EXTL3: variants seen among roughly 807,000 people sequenced by gnomAD.
The protein encoded by EXTL3 is exostosin like glycosyltransferase 3.
A neutral mutation model predicts 69.3 loss-of-function variants in EXTL3; 27 were observed. The ratio of observed to expected loss-of-function variants is 0.39; its 90% CI spans 0.29 to 0.54. EXTL3 has a LOEUF of 0.54. Among genes scored for constraint, EXTL3 ranks in the 20% least tolerant of loss-of-function variants. EXTL3 has a pLI of 0.69. For missense variants in EXTL3, 1,003 were observed against 1,231.8 expected (o/e 0.81, Z 2.78); for synonymous variants, 511 against 499.4 (o/e 1.02, Z -0.31).
At chr8:28,705,355 G>A (rs973920225) in intron 1 of EXTL3, among the ~76,000 whole-genome samples, 2 of 152,170 alleles carry the variant, frequency 1.3e-5, no homozygotes, top group African/African-American at 4.8e-5. Context: ...ATATGGTAAT[G>A]ATGATGGGAT....
chr8:28,716,664 A>C lies in EXTL3; in HGVS notation c.605A>C (p.Asp202Ala). 1 of 1,614,160 alleles carries C rather than the reference A, an allele frequency of 6.2e-7. No homozygotes were observed. Among genetic ancestry groups the C allele is most frequent in the Non-Finnish European group, 8.5e-7 (1 of 1,180,032 alleles). Residue 202 changes from aspartate to alanine, a missense_variant, in exon 3 of 7, where the codon GAC becomes GCC. Asp to Ala is a moderately radical substitution (Grantham distance 126). Coordinates refer to ENST00000220562, the MANE Select transcript of EXTL3 (RefSeq NM_001440.4). The surrounding 1 kb of genome is among the most constrained non-coding windows in gnomAD (Gnocchi z 7.1). ...TTCCCGGTCTACGTCTATGACAGTG[A>C]CCAGTTTGTCTTTGGCAGCTACCTG... Reference protein sequence around the residue: ...SGFPVYVYDSDQFVFGSYLDP... With the variant: ...SGFPVYVYDSAQFVFGSYLDP...
chr8:28,746,545 A>G (rs1032960011), intron 6 of EXTL3, among the ~76,000 whole-genome samples: 7 of 152,242 alleles, frequency 4.6e-5, no homozygotes, highest in African/African-American at 1.4e-4. Context: ...GATCCACGAT[A>G]TTGGTTAAAT....
At chr8:28,731,628 G>A (rs1048551628) in intron 4 of EXTL3, among the ~76,000 whole-genome samples, 1 of 152,136 alleles carries the variant, frequency 6.6e-6, no homozygotes, top group Admixed American at 6.5e-5. Flanking sequence ...GCCTGTTCCT[G>A]GTGCTGCAGG....
At chr8:28,624,395 G>T (rs778671484) in intron 1 of EXTL3, among the ~76,000 whole-genome samples, 10 of 151,924 alleles carry the variant, frequency 6.6e-5, no homozygotes, top group Non-Finnish European at 1.2e-4. Flanking sequence ...GAAACCTCAT[G>T]TCTACAAAAA....
chr8:28,689,648 T>G (rs1180174170), intron 1 of EXTL3, among the ~76,000 whole-genome samples: 3 of 152,244 alleles, frequency 2.0e-5, no homozygotes, highest in Non-Finnish European at 4.4e-5. Flanking sequence ...AGTTCATATC[T>G]GTTGTCTTCT....
intron 2 of EXTL3, among the ~76,000 whole-genome samples, chr8:28,610,479 G>T (rs549243981): frequency 1.3e-5 from 2 of 152,130 alleles, no homozygotes; most frequent in East Asian, 3.9e-4. Flanking sequence ...TTGTCATTTG[G>T]ACCAGAGGAA....
chr8:28,610,215 A>ATGTGTGTGTGTGTGTGTGTGTGTGTG (rs367793242), intron 2 of EXTL3, among the ~76,000 whole-genome samples: 6 of 149,330 alleles, frequency 4.0e-5, no homozygotes, highest in East Asian at 2.0e-4. Context: ...AAATATGTAT[A>ATGTGTGTGTGTGTGTGTGTGTGTGTG]TGTGTGTGTG....
intron 1 of EXTL3, among the ~76,000 whole-genome samples, chr8:28,636,528 G>A (rs1806658572): frequency 6.6e-6 from 1 of 152,020 alleles, no homozygotes; most frequent in Admixed American, 6.6e-5. Context: ...GAGAATTGTT[G>A]TCTGTAACTT....
At chr8:28,607,989 AGT>A (rs1806220550) in intron 2 of EXTL3, among the ~76,000 whole-genome samples, 2 of 151,894 alleles carry the variant, frequency 1.3e-5, no homozygotes, top group Non-Finnish European at 2.9e-5. Context: ...GGGCGCCTGT[AGT>A]CCCAGCTACT....
chr8:28,744,455 C>T (rs143754466), intron 6 of EXTL3, among the ~76,000 whole-genome samples: 5,237 of 151,780 alleles, frequency 0.035, 287 homozygotes, highest in African/African-American at 0.12. Flanking sequence ...GTCAGGAGTT[C>T]GTGAGCAGCC....
At chr8:28,639,656 C>G (rs1205399068) in intron 1 of EXTL3, among the ~76,000 whole-genome samples, 1 of 152,222 alleles carries the variant, frequency 6.6e-6, no homozygotes, top group African/African-American at 2.4e-5. Flanking sequence ...GACGGTTCCT[C>G]TCCTGAGTCC....
At chr8:28,735,008 A>G (rs982188986) in intron 4 of EXTL3, among the ~76,000 whole-genome samples, 2 of 152,044 alleles carry the variant, frequency 1.3e-5, no homozygotes, top group African/African-American at 4.8e-5. Flanking sequence ...AGCCTCTCAC[A>G]TTTCCTTTGA....
intron 1 of EXTL3, among the ~76,000 whole-genome samples, chr8:28,642,078 G>A (rs10103066): frequency 0.032 from 4,803 of 151,122 alleles, 196 homozygotes; most frequent in African/African-American, 0.098. Context: ...CTCGTGATCC[G>A]CCCGCCTCAG....
chr8:28,742,666 G>A (rs1801804685), intron 5 of EXTL3: 2 of 311,556 alleles, frequency 6.4e-6, no homozygotes, highest in Middle Eastern at 1.1e-3. Context: ...GAGGGATCGT[G>A]TGTTTCATGG....
chr8:28,737,405 G>C, intron 4 of EXTL3, 114 bp from the exon 5 acceptor site: 1 of 1,111,628 alleles, frequency 9.0e-7, no homozygotes, highest in South Asian at 1.3e-5. Context: ...GAAAGGATAC[G>C]AGAAGTAAAA....
chr8:28,692,304 A>G (rs1365453010), intron 1 of EXTL3, among the ~76,000 whole-genome samples: 1 of 152,302 alleles, frequency 6.6e-6, no homozygotes, highest in East Asian at 1.9e-4. Flanking sequence ...TCTATGGCAT[A>G]GTGTTTGCAA....
At chr8:28,645,435 A>G (rs1031357294) in intron 1 of EXTL3, among the ~76,000 whole-genome samples, 6 of 152,266 alleles carry the variant, frequency 3.9e-5, no homozygotes, top group African/African-American at 1.4e-4. Context: ...TCTGTTAAAA[A>G]TAATATATAT....
rs371462377 is a variant in EXTL3, at chr8:28,732,983, C to T, written c.2276+1633C>T. 1.4e-3 allele frequency among the ~76,000 whole-genome samples: 214 copies of T among 152,342 alleles called. 2 individuals carry two copies. The highest frequency in any genetic ancestry group is 5.0e-3 in the African/African-American group (209 of 41,580). The stretch of plus-strand genomic sequence containing the variant: ...CTGAGCTCAGGCAACCTGCCCGCCT[C>T]GGCCTCCCAGAGTGCTGGGATTACA... On this transcript the variant is annotated intron_variant, in intron 4 of 6. Coordinates refer to ENST00000220562, the MANE Select transcript of EXTL3 (RefSeq NM_001440.4).
intron 1 of EXTL3, among the ~76,000 whole-genome samples, chr8:28,693,084 T>C (rs951013544): frequency 1.3e-5 from 2 of 152,148 alleles, no homozygotes; most frequent in Non-Finnish European, 2.9e-5. Context: ...ATACCCGCTG[T>C]TGGCGCTAGC....
Sources: gnomAD v4.1 joint callset for allele counts (sites outside exome capture counted in the v4.1 genomes callset) on GRCh38, gnomAD v4.1.1 for gene constraint, Gnocchi (gnomAD v3.1) non-coding constraint, MANE v1.5 for transcripts, NCBI Gene and HGNC (gene_info 2026-07-23, HGNC 2026-07-21) for gene names.